The following LY96 variants were observed in gnomAD, a reference collection of about 807,000 sequenced individuals.
LY96 encodes the protein myeloid differentiation protein-2.
Under a neutral mutation model 18.9 loss-of-function variants are expected in LY96, and 18 were observed. The ratio of observed to expected loss-of-function variants is 0.95; its 90% CI spans 0.66 to 1.41. The LOEUF is 1.41. Among genes scored for constraint, LY96 ranks in the 40% most tolerant of loss-of-function variants. The pLI is 0.00. For synonymous variants in LY96, 66 were observed against 62.6 expected, an observed-to-expected ratio of 1.06 and a Z score of -0.26; for missense variants, 175 against 182.4, an observed-to-expected ratio of 0.96 and a Z score of 0.23.
the LY96 span, among the ~76,000 whole-genome samples, chr8:74,055,328 G>A: frequency 9.9e-5 from 15 of 152,080 alleles, no homozygotes; most frequent in African/African-American, 2.9e-4. Flanking sequence ...TTTTGAGACC[G>A]GGTCTCCCTC....
At chr8:74,057,990 G>A in the LY96 span, among the ~76,000 whole-genome samples, 3 of 152,152 alleles carry the variant, frequency 2.0e-5, no homozygotes, top group African/African-American at 2.4e-5. Context: ...CCAGCCTGCC[G>A]TGATTACCTT....
the LY96 span, among the ~76,000 whole-genome samples, chr8:74,081,708 C>T: frequency 0.015 from 2,240 of 152,096 alleles, 31 homozygotes; most frequent in African/African-American, 0.048. Flanking sequence ...GGCTGGAGTG[C>T]AGTGGCATGA....
intron 1 of LY96, among the ~76,000 whole-genome samples, chr8:74,002,006 TCTTC>T (rs1222416498): frequency 0.063 from 1,518 of 24,046 alleles, 132 homozygotes; most frequent in Non-Finnish European, 0.066. Context: ...TTTCTTCCTT[TCTTC>T]CTTCCTTCCT....
At chr8:74,097,089 A>G in the LY96 span, among the ~76,000 whole-genome samples, 149 of 152,268 alleles carry the variant, frequency 9.8e-4, no homozygotes, top group African/African-American at 3.6e-3. Context: ...AGCATTTCCT[A>G]ATTTTAAAAA....
the LY96 span, among the ~76,000 whole-genome samples, chr8:74,093,753 A>G: frequency 3.3e-4 from 50 of 152,314 alleles, 1 homozygote; most frequent in South Asian, 4.1e-3. Flanking sequence ...TCTCATGCTT[A>G]CATCTTGTGT....
At chr8:74,012,462 T>G (rs1816550016) in intron 3 of LY96, among the ~76,000 whole-genome samples, 1 of 152,142 alleles carries the variant, frequency 6.6e-6, no homozygotes. Flanking sequence ...ATGTTCCCAC[T>G]CATAAGTGGG....
At chr8:74,049,479 T>C in the LY96 span, among the ~76,000 whole-genome samples, 4 of 152,220 alleles carry the variant, frequency 2.6e-5, no homozygotes, top group African/African-American at 9.7e-5. Flanking sequence ...CATAATAGCA[T>C]GTCAATTTTG....
the LY96 span, among the ~76,000 whole-genome samples, chr8:74,046,494 A>G: frequency 6.6e-6 from 1 of 152,210 alleles, no homozygotes; most frequent in Non-Finnish European, 1.5e-5. Context: ...AAGGCAGTGT[A>G]AGTTTAAGAA....
chr8:74,078,389 T>G, the LY96 span, among the ~76,000 whole-genome samples: 4 of 152,168 alleles, frequency 2.6e-5, no homozygotes, highest in African/African-American at 9.7e-5. Flanking sequence ...ACTGAGAGCA[T>G]TTTTGAGAGC....
chr8:74,089,586 G>T, the LY96 span, among the ~76,000 whole-genome samples: 3 of 152,242 alleles, frequency 2.0e-5, no homozygotes, highest in Non-Finnish European at 2.9e-5. Context: ...TTATTTGACA[G>T]ATGTGTAAAG....
intron 1 of LY96, among the ~76,000 whole-genome samples, chr8:74,003,955 T>A (rs1399995054): frequency 6.6e-6 from 1 of 152,206 alleles, no homozygotes; most frequent in African/African-American, 2.4e-5. Context: ...GCTGTGTTTT[T>A]TTGTCCACCT....
intron 3 of LY96, among the ~76,000 whole-genome samples, chr8:74,020,711 C>A (rs947407378): frequency 1.3e-5 from 2 of 152,068 alleles, no homozygotes; most frequent in African/African-American, 2.4e-5. Flanking sequence ...GGTACTGGTA[C>A]CAAAACAGAG....
At chr8:74,073,189 G>T in the LY96 span, among the ~76,000 whole-genome samples, 3 of 152,220 alleles carry the variant, frequency 2.0e-5, no homozygotes, top group Non-Finnish European at 4.4e-5. Context: ...TGGAAGCCTG[G>T]GTCCTTTATC....
downstream of LY96, among the ~76,000 whole-genome samples, chr8:74,029,814 C>T (rs917940543): frequency 4.7e-4 from 71 of 152,278 alleles, no homozygotes; most frequent in African/African-American, 1.7e-3. Context: ...CACCTGCCAT[C>T]ACACCTGGCT....
At chr8:74,056,116 A>G in the LY96 span, 1 of 176,502 alleles carries the variant, frequency 5.7e-6, no homozygotes, top group South Asian at 1.1e-4. Context: ...AGAATGATGA[A>G]GCTGCATTTA....
At chr8:74,005,420 T>C (rs1455423018) in intron 2 of LY96, among the ~76,000 whole-genome samples, 2 of 152,224 alleles carry the variant, frequency 1.3e-5, no homozygotes, top group African/African-American at 4.8e-5. Context: ...TAGCCCATAC[T>C]ACTGGGAGAG....
chr8:74,075,123 C>T, the LY96 span, among the ~76,000 whole-genome samples: 6 of 152,154 alleles, frequency 3.9e-5, no homozygotes, highest in Non-Finnish European at 7.3e-5. Flanking sequence ...GTCTATCTCT[C>T]CCTTTAGCTC....
At chr8:74,049,929 G>A in the LY96 span, among the ~76,000 whole-genome samples, 7 of 152,248 alleles carry the variant, frequency 4.6e-5, no homozygotes, top group South Asian at 1.5e-3. Context: ...GAGGCAGGAG[G>A]GTGGCTTGAG....
the LY96 span, among the ~76,000 whole-genome samples, chr8:74,065,887 A>T: frequency 6.6e-6 from 1 of 152,182 alleles, no homozygotes; most frequent in Non-Finnish European, 1.5e-5. Context: ...CAAGCCCCTG[A>T]ATTATATTGG....
Sources: allele counts gnomAD v4.1 joint callset (sites outside exome capture counted in the v4.1 genomes callset), GRCh38; gene constraint gnomAD v4.1.1; transcripts MANE v1.5; gene names NCBI Gene and HGNC (gene_info 2026-07-23, HGNC 2026-07-21).